The following POLR3D variants were observed in gnomAD, a reference collection of about 807,000 sequenced individuals.
POLR3D encodes the protein DNA-directed RNA polymerase III subunit RPC4.
Under a neutral mutation model 44.5 loss-of-function variants are expected in POLR3D, and 42 were observed. The ratio of observed to expected loss-of-function variants is 0.94; its 90% CI spans 0.74 to 1.22. The LOEUF (loss-of-function observed/expected upper bound fraction) is 1.22, where lower values mean the gene tolerates loss of function less well. Ranked by LOEUF, POLR3D falls within the 50% of genes most tolerant of loss-of-function variation. POLR3D has a pLI of 0.00. For synonymous variants in POLR3D, 217 were observed against 198.1 expected, an observed-to-expected ratio of 1.10 and a Z score of -0.80; for missense variants, 507 against 505.2, an observed-to-expected ratio of 1.00 and a Z score of -0.03.
chr8:22,247,828 G>C, intron 3 of POLR3D, 29 bp from the exon 4 acceptor site: 1 of 1,603,906 alleles, frequency 6.2e-7, no homozygotes, highest in Non-Finnish European at 8.5e-7. Flanking sequence ...GTGAGTGAGT[G>C]GTTTCCCTTA....
chr8:22,247,881 G>A lies in POLR3D; in HGVS notation c.234G>A (p.Lys78=). The change falls in exon 4 of 9, where the codon AAG becomes AAA. Residue 78 remains lysine, a synonymous_variant. Transcript: ENST00000306433. ...KEEPKEEVTV[K]KEKRERDRDR... ...GGCCCAAGGAAGAAGTAACTGTCAA[G>A]AAGGAGAAGCGTGAAAGGGACAGAG... is the stretch of plus-strand genomic sequence containing the variant. The A allele has an allele frequency of 6.2e-7, 1 of 1,614,002 alleles. No homozygotes were observed. The highest frequency in any genetic ancestry group is 8.5e-7 in the Non-Finnish European group (1 of 1,179,962).
rs200967033 is a variant in POLR3D at position 22,250,542 on chromosome 8, C to G, written c.*24C>G. 3.7e-6 allele frequency: 6 copies of G among 1,613,634 alleles called. No homozygotes were observed. Among genetic ancestry groups the G allele is most frequent in the Non-Finnish European group, 5.1e-6 (6 of 1,179,870 alleles). The stretch of plus-strand genomic sequence containing the variant: ...AAAATGAGCAGGTGGAGGAGGACGG[C>G]GCCTGTGCCCACGGCTGCTGCCTGC... On this transcript the variant is annotated 3_prime_UTR_variant, in exon 9 of 9. Transcript: ENST00000306433.
At position 22,245,448 on chromosome 8, in the gene POLR3D, A is replaced by C. The variant is rs759117335; in HGVS notation, c.-2A>C. ...CTCGTCGCCCCTTCTCTCCCAGGCA[A>C]CATGTCGGAAGGAAACGCCGCCGGC... On this transcript the variant is annotated 5_prime_UTR_variant, in exon 2 of 9. Coordinates refer to ENST00000306433, the MANE Select transcript of POLR3D (RefSeq NM_001722.3). The C allele has an allele frequency of 7.6e-7, 1 of 1,309,524 alleles. No individual in the cohort carries two copies. Among genetic ancestry groups the C allele is most frequent in the Non-Finnish European group, 9.8e-7 (1 of 1,021,468 alleles). The allele number at this position is 1,309,524 out of a possible 1,614,324, so 81.1% of individuals were successfully genotyped here. A position where few individuals can be genotyped will look rare whatever the true frequency, so the allele number is the denominator to read the frequency against.
intron 2 of POLR3D, among the ~76,000 whole-genome samples, chr8:22,246,196 C>T (rs1391744888): frequency 6.6e-6 from 1 of 152,204 alleles, no homozygotes; most frequent in Non-Finnish European, 1.5e-5. Flanking sequence ...GGCACGATCT[C>T]AGCTCACTGC....
rs1440843669 is a variant in POLR3D at position 22,250,972 on chromosome 8, C to G, written c.*454C>G. ...AGTCTGAGACTTAAGCACTCGGTCC[C>G]AGCTTGCCAGTTCCTGGTTCTGTGT... is the stretch of plus-strand genomic sequence containing the variant. On this transcript the variant is annotated 3_prime_UTR_variant, in exon 9 of 9. Coordinates refer to ENST00000306433, the MANE Select transcript of POLR3D (RefSeq NM_001722.3). 3.3e-5 allele frequency: 6 copies of G among 182,372 alleles called. No homozygotes were observed. The highest frequency in any genetic ancestry group is 2.5e-3 in the Middle Eastern group (1 of 394). The allele number at this position is 182,372 out of a possible 1,614,324, so 11.3% of individuals were successfully genotyped here. A position where few individuals can be genotyped will look rare whatever the true frequency, so the allele number is the denominator to read the frequency against.
In POLR3D at chr8:22,248,210, A is replaced by C. The variant is rs1479442160; in HGVS notation, c.418A>C (p.Ile140Leu). The change falls in exon 5 of 9, where the codon ATC (isoleucine) becomes CTC (leucine). Residue 140 changes from isoleucine to leucine, a missense_variant. By Grantham distance (5) the Ile-to-Leu change is conservative. Coordinates refer to ENST00000306433, the MANE Select transcript of POLR3D (RefSeq NM_001722.3). ...SDMGPSHIIN[I>L]KKEKRETDEE... ...CATGGGACCTTCTCATATCATCAAC[A>C]TCAAAAAAGAGAAGAGAGAGACAGA... The C allele has an allele frequency of 6.2e-7, 1 of 1,614,092 alleles. No individual in the cohort carries two copies. Among genetic ancestry groups the C allele is most frequent in the African/African-American group, 1.3e-5 (1 of 74,924 alleles).
chr8:22,245,388 C>A, intron 1 of POLR3D, 57 bp from the exon 2 acceptor site: 1 of 1,260,050 alleles, frequency 7.9e-7, no homozygotes, highest in Non-Finnish European at 1.0e-6. Flanking sequence ...GGGTGGGGTT[C>A]CGCCAGGGTC....
chr8:22,248,057 G>C, intron 4 of POLR3D, 49 bp downstream of exon 4: 1 of 1,608,134 alleles, frequency 6.2e-7, no homozygotes, highest in Non-Finnish European at 8.5e-7. Context: ...CCCAGAGAAG[G>C]GCGAGAACAG....
intron 2 of POLR3D, among the ~76,000 whole-genome samples, chr8:22,246,999 G>A (rs1425202145): frequency 6.6e-6 from 1 of 152,188 alleles, no homozygotes; most frequent in African/African-American, 2.4e-5. Context: ...TTAAAAGTGG[G>A]TTTTGGTGCC....
At chr8:22,245,287 C>G in intron 1 of POLR3D, 104 bp downstream of exon 1, 1 of 543,018 alleles carries the variant, frequency 1.8e-6, no homozygotes, top group Non-Finnish European at 3.2e-6. Context: ...AAGGCTCTCA[C>G]CTGGGTGGTC....
chr8:22,247,127 G>T, intron 2 of POLR3D, 94 bp from the exon 3 acceptor site: 1 of 853,416 alleles, frequency 1.2e-6, no homozygotes, highest in South Asian at 1.5e-5. Context: ...TGGTGGCCTT[G>T]GTCTGTAGAA....
intron 6 of POLR3D, 126 bp from the exon 7 acceptor site, chr8:22,248,918 A>G (rs547802929): frequency 9.2e-7 from 1 of 1,088,780 alleles, no homozygotes; most frequent in African/African-American, 1.6e-5. Flanking sequence ...CCCTCTGTAT[A>G]ACTGGTGCCT....
rs555492016 is a variant in POLR3D at position 22,249,083 on chromosome 8, T to A, written c.695T>A (p.Met232Lys). The A allele has an allele frequency of 1.2e-6, 2 of 1,613,804 alleles. No individual in the cohort carries two copies. The highest frequency in any genetic ancestry group is 4.5e-5 in the East Asian group (2 of 44,862). Reference protein sequence around the residue: ...EPRDEEEEAKMKAPPKAARKT... With the variant: ...EPRDEEEEAKKKAPPKAARKT... Reference sequence around the variant, plus strand: ...CGAGATGAGGAGGAAGAGGCCAAGATGAAGGCTCCTCCCAAAGCAGCCAGG... The same window carrying A: ...CGAGATGAGGAGGAAGAGGCCAAGAAGAAGGCTCCTCCCAAAGCAGCCAGG... The change falls in exon 7 of 9, where the codon ATG becomes AAG. Residue 232 changes from methionine (M) to lysine (K), a missense_variant. Coordinates refer to ENST00000306433, the MANE Select transcript of POLR3D (RefSeq NM_001722.3).
chr8:22,245,943 G>T (rs1830036117), intron 2 of POLR3D, among the ~76,000 whole-genome samples: 2 of 152,164 alleles, frequency 1.3e-5, no homozygotes, highest in Admixed American at 1.3e-4. Flanking sequence ...CATAAACTTC[G>T]CAGTCTTAGA....
At chr8:22,246,161 G>C (rs563949215) in intron 2 of POLR3D, among the ~76,000 whole-genome samples, 1 of 152,282 alleles carries the variant, frequency 6.6e-6, no homozygotes, top group Non-Finnish European at 1.5e-5. Context: ...AAGTCTCGCC[G>C]TTGTCCCCCA....
rs77138266 is a variant in POLR3D at position 22,247,077 on chromosome 8, A to G, written c.166-144A>G. On this transcript the variant is annotated intron_variant, in intron 2 of 8. Transcript: ENST00000306433. Reference sequence around the variant, plus strand: ...CTCCTTTTCAGGCACATGTGTATCTATAAAACTGACAGCACTGTGGAATGT... The same window carrying G: ...CTCCTTTTCAGGCACATGTGTATCTGTAAAACTGACAGCACTGTGGAATGT... 390 of 621,590 alleles carry G rather than the reference A, an allele frequency of 6.3e-4. No homozygotes were observed. The African/African-American group carries it at 6.5e-3, about 10-fold the overall frequency. The allele number at this position is 621,590 out of a possible 1,614,324, so 38.5% of individuals were successfully genotyped here.
At position 22,250,514 on chromosome 8, in the gene POLR3D, G is replaced by T. The variant is rs368575824; in HGVS notation, c.1193G>T (p.Arg398Leu). 6.8e-6 allele frequency: 11 copies of T among 1,614,144 alleles called. No individual in the cohort carries two copies. The South Asian group carries it at 8.8e-5, about 13-fold the overall frequency. ...GAATCCCTCTTGGATCACAAACACC[G>T]GTAAAATGAGCAGGTGGAGGAGGAC... is the stretch of plus-strand genomic sequence containing the variant. ...DFESLLDHKH[R>L] The change falls in exon 9 of 9, where the codon CGG becomes CTG. Residue 398 changes from arginine to leucine, a missense_variant. By Grantham distance (102) the Arg-to-Leu change is moderately radical. Transcript: ENST00000306433.
In POLR3D at chr8:22,248,551, G is replaced by C. The variant is rs1165659875; in HGVS notation, c.557G>C (p.Gly186Ala). Reference protein sequence around the residue: ...MPVQLPLAHSGWLFKEENDEP... With the variant: ...MPVQLPLAHSAWLFKEENDEP... ...GTGCAGCTGCCGCTGGCTCACTCAG[G>C]ATGGCTTTTTAAGGAAGAAAATGAC... Residue 186 changes from glycine to alanine, a missense_variant, in exon 6 of 9, where the codon GGA (glycine) becomes GCA (alanine). Gly to Ala is a moderately conservative substitution (Grantham distance 60). Transcript: ENST00000306433. 5.6e-6 allele frequency: 9 copies of C among 1,614,090 alleles called. No individual in the cohort carries two copies. Among genetic ancestry groups the C allele is most frequent in the African/African-American group, 4.0e-5 (3 of 74,924 alleles).
At chr8:22,247,760 T>G (rs1830057263) in intron 3 of POLR3D, 97 bp from the exon 4 acceptor site, 1 of 1,147,204 alleles carries the variant, frequency 8.7e-7, no homozygotes, top group Non-Finnish European at 1.3e-6. Flanking sequence ...TGGCTCAAAC[T>G]CTCCACTGTT....
Sources: gnomAD v4.1 joint callset for allele counts (sites outside exome capture counted in the v4.1 genomes callset) on GRCh38, gnomAD v4.1.1 for gene constraint, MANE v1.5 for transcripts, NCBI Gene and HGNC (gene_info 2026-07-23, HGNC 2026-07-21) for gene names.